GNG4: variants seen among roughly 807,000 people sequenced by gnomAD.
GNG4 encodes G protein subunit gamma 4, also known as guanine nucleotide-binding protein G(I)/G(S)/G(O) subunit gamma-4.
GNG4 carries 4 observed loss-of-function variants against 5.8 expected under a neutral mutation model. The observed-to-expected ratio is 0.69, with a 90% CI of 0.34 to 1.57. The LOEUF (loss-of-function observed/expected upper bound fraction) is 1.57. GNG4 is among the 40% of genes most tolerant of loss of function. The pLI, the probability that GNG4 is intolerant of heterozygous loss-of-function variation, is 0.06. For missense variants in GNG4, 96 were observed against 95.1 expected (o/e 1.01, Z -0.04); for synonymous variants, 29 against 32.9 (o/e 0.88, Z 0.41).
intron 1 of GNG4, among the ~76,000 whole-genome samples, chr1:235,616,747 C>T (rs565954206): frequency 7.3e-5 from 11 of 150,244 alleles, no homozygotes; most frequent in African/African-American, 2.5e-4. Flanking sequence ...TGTGTGTGCG[C>T]GCGTGTTTTG....
chr1:235,552,909 T>TC (rs1254583723), intron 3 of GNG4, among the ~76,000 whole-genome samples: 2 of 151,954 alleles, frequency 1.3e-5, no homozygotes, highest in East Asian at 3.9e-4. Flanking sequence ...TTACAGGCAC[T>TC]CACCATGCCC....
chr1:235,581,320 G>C (rs1451313423), intron 3 of GNG4, among the ~76,000 whole-genome samples: 1 of 152,214 alleles, frequency 6.6e-6, no homozygotes, highest in East Asian at 1.9e-4. Flanking sequence ...ACGAGGTCAA[G>C]AGATTGAGAC....
intron 2 of GNG4, among the ~76,000 whole-genome samples, chr1:235,593,523 T>G (rs57533353): frequency 0.027 from 4,139 of 152,270 alleles, 177 homozygotes; most frequent in African/African-American, 0.094. Flanking sequence ...GACAGCTGGG[T>G]CCGGAATTGG....
chr1:235,622,440 G>A (rs1177756751), intron 1 of GNG4, among the ~76,000 whole-genome samples: 4 of 152,314 alleles, frequency 2.6e-5, no homozygotes, highest in East Asian at 1.9e-4. Flanking sequence ...GAGGCTGGGC[G>A]CGGTAGCTCA....
chr1:235,587,269 AGT>A (rs1298053109), intron 2 of GNG4, among the ~76,000 whole-genome samples: 26 of 69,888 alleles, frequency 3.7e-4, no homozygotes, highest in African/African-American at 1.7e-3. Context: ...AGTGTATGTG[AGT>A]GTGTGTGAAG....
Position 235,642,027 on chromosome 1 carries a change from C to A in GNG4, c.-123+7635G>T, listed in dbSNP as rs1190065487. Among the ~76,000 whole-genome samples the A allele has an allele frequency of 6.6e-6, 1 of 152,222 alleles. No individual in the cohort carries two copies. ...TGAGGGCGGGGATTTTTCGCTTCCC[C>A]CGCAACTGCCTGCGTTTTCGTAGCC... On this transcript the variant is annotated intron_variant, in intron 1 of 3. Transcript: ENST00000391854. The surrounding 1 kb of genome is among the most constrained non-coding windows in gnomAD (Gnocchi z 4.3).
chr1:235,621,288 TTTTCTTTTC>T (rs1294874331), intron 1 of GNG4, among the ~76,000 whole-genome samples: 61 of 148,406 alleles, frequency 4.1e-4, no homozygotes, highest in African/African-American at 1.4e-3. Context: ...TTTCTTTTTC[TTTTCTTTTC>T]TTTTTTTTTT....
At chr1:235,620,249 C>T (rs1358217096) in intron 1 of GNG4, among the ~76,000 whole-genome samples, 1 of 152,120 alleles carries the variant, frequency 6.6e-6, no homozygotes, top group Non-Finnish European at 1.5e-5. Flanking sequence ...TCTGTAATCC[C>T]AGCTACGTGG....
At chr1:235,608,770 G>T (rs1231721632) in intron 1 of GNG4, among the ~76,000 whole-genome samples, 1 of 150,628 alleles carries the variant, frequency 6.6e-6, no homozygotes, top group Non-Finnish European at 1.5e-5. Context: ...TGCAACCTCC[G>T]CCTCCCGAGT....
At chr1:235,577,190 C>T (rs1055883184) in intron 3 of GNG4, among the ~76,000 whole-genome samples, 13 of 152,160 alleles carry the variant, frequency 8.5e-5, no homozygotes, top group Admixed American at 8.5e-4. Flanking sequence ...ATCCCGGGGG[C>T]TCCCTTTTGG....
At chr1:235,585,270 G>C (rs532250204) in intron 2 of GNG4, among the ~76,000 whole-genome samples, 1 of 149,062 alleles carries the variant, frequency 6.7e-6, no homozygotes, top group Non-Finnish European at 1.5e-5. Flanking sequence ...TTGAGATAGG[G>C]TCTCTGTCAT....
At chr1:235,601,651 G>A (rs1380390079) in intron 1 of GNG4, among the ~76,000 whole-genome samples, 2 of 152,182 alleles carry the variant, frequency 1.3e-5, no homozygotes, top group East Asian at 1.9e-4. Context: ...TGGTGACAGG[G>A]CAGGTGGCCC....
At position 235,552,251 on chromosome 1, in the gene GNG4, G is replaced by C. The variant is rs576811088; in HGVS notation, c.100-14C>G. On this transcript the variant is annotated splice_polypyrimidine_tract_variant and intron_variant, in intron 3 of 3. Transcript: ENST00000391854. ...TGCCTGGGAGACCTGTGAGGGCACA[G>C]AGCACAGGTGCTCAGTTAAAGGCCC... 1 of 1,613,334 alleles carries C rather than the reference G, an allele frequency of 6.2e-7. No individual in the cohort carries two copies. Among genetic ancestry groups the C allele is most frequent in the South Asian group, 1.1e-5 (1 of 91,044 alleles).
intron 2 of GNG4, among the ~76,000 whole-genome samples, chr1:235,587,988 G>A (rs895311468): frequency 1.3e-5 from 2 of 151,760 alleles, no homozygotes; most frequent in South Asian, 2.1e-4. Context: ...AACAGCTAAC[G>A]TTACCGGGGA....
At chr1:235,564,572 TGTAA>T (rs1390673968) in intron 3 of GNG4, among the ~76,000 whole-genome samples, 1 of 152,216 alleles carries the variant, frequency 6.6e-6, no homozygotes, top group Non-Finnish European at 1.5e-5. Context: ...CCTATTTTAA[TGTAA>T]GTATTTTCTA....
intron 3 of GNG4, among the ~76,000 whole-genome samples, chr1:235,581,674 A>C (rs1237077998): frequency 6.6e-6 from 1 of 152,036 alleles, no homozygotes. Context: ...TACAGGCATC[A>C]TGCTTGCTGG....
chr1:235,619,003 T>C (rs1688653489), intron 1 of GNG4, among the ~76,000 whole-genome samples: 1 of 150,538 alleles, frequency 6.6e-6, no homozygotes, highest in Non-Finnish European at 1.5e-5. Context: ...CTCTTAGTCA[T>C]TAAAGGCAGC....
chr1:235,597,619 TGTGTGTGTG>T (rs1362897960), intron 1 of GNG4, among the ~76,000 whole-genome samples: 197 of 111,900 alleles, frequency 1.8e-3, no homozygotes, highest in Middle Eastern at 4.5e-3. Flanking sequence ...TGTGTGTGTG[TGTGTGTGTG>T]TATTTTTTTT....
At chr1:235,612,547 C>A (rs1014680094) in intron 1 of GNG4, among the ~76,000 whole-genome samples, 2 of 151,938 alleles carry the variant, frequency 1.3e-5, no homozygotes, top group Non-Finnish European at 2.9e-5. Context: ...TTTTTGGAGA[C>A]GGGGTCTCAC....
Sources: gnomAD v4.1 joint callset for allele counts (sites outside exome capture counted in the v4.1 genomes callset) on GRCh38, gnomAD v4.1.1 for gene constraint, Gnocchi (gnomAD v3.1) non-coding constraint, MANE v1.5 for transcripts, NCBI Gene and HGNC (gene_info 2026-07-23, HGNC 2026-07-21) for gene names.